Variants in CES5A observed in about 807,000 individuals in gnomAD.
CES5A encodes the protein carboxylesterase 5.
In CES5A, 67 loss-of-function variants were observed where a neutral mutation model predicts 62.9. That is an observed-to-expected ratio of 1.07 (90% CI 0.88 to 1.31). The LOEUF is 1.31. Ranked by LOEUF, CES5A falls within the 50% of genes most tolerant of loss-of-function variation. The pLI is 0.00. For missense variants in CES5A, 748 were observed against 708.5 expected (o/e 1.06, Z -0.63); for synonymous variants, 296 against 280.8 (o/e 1.05, Z -0.54).
chr16:55,940,865 A>G (rs565704677), intron 2 of CES5A, among the ~76,000 whole-genome samples: 1 of 151,892 alleles, frequency 6.6e-6, no homozygotes, highest in Non-Finnish European at 1.5e-5. Flanking sequence ...AAATCAATCA[A>G]TGTAATCTAC....
intron 2 of CES5A, among the ~76,000 whole-genome samples, chr16:55,931,047 T>C (rs192222878): frequency 2.6e-5 from 4 of 152,360 alleles, no homozygotes; most frequent in South Asian, 4.1e-4. Flanking sequence ...ATTTTCCATA[T>C]GGAGAAATCA....
chr16:55,906,539 T>C lies in CES5A; in HGVS notation c.-256+18784A>G, dbSNP rs372613993. Among the ~76,000 whole-genome samples the C allele has an allele frequency of 6.6e-5, 10 of 152,352 alleles. No individual in the cohort carries two copies. The South Asian group carries it at 1.9e-3, about 28-fold the overall frequency. ...AAGCTGACAATGTAGTTCCTTCATG[T>C]CAATTAAATGTTTATTTAAAAGAGT... On this transcript the variant is annotated intron_variant, in intron 1 of 12. Coordinates refer to the CES5A transcript ENST00000518005.
At chr16:55,898,760 G>A (rs1180445619) in intron 1 of CES5A, among the ~76,000 whole-genome samples, 1 of 152,174 alleles carries the variant, frequency 6.6e-6, no homozygotes, top group Non-Finnish European at 1.5e-5. Flanking sequence ...GAGAGGCTGA[G>A]GGCCTTCTTG....
At chr16:55,878,059 A>G (rs1039831424), upstream of CES5A, among the ~76,000 whole-genome samples, 3 of 152,180 alleles carry the variant, frequency 2.0e-5, no homozygotes, top group Non-Finnish European at 4.4e-5. Context: ...AGCACAGGCC[A>G]GTGGCCTGGA....
At chr16:55,874,832 T>C (rs1416091213) in intron 1 of CES5A, among the ~76,000 whole-genome samples, 1 of 152,196 alleles carries the variant, frequency 6.6e-6, no homozygotes, top group African/African-American at 2.4e-5. Flanking sequence ...GAAAGTCCTG[T>C]CGCCGCAGCC....
chr16:55,846,815 T>G lies in CES5A; in HGVS notation c.1449A>C (p.Leu483Phe). The G allele has an allele frequency of 6.2e-7, 1 of 1,614,120 alleles. No individual in the cohort carries two copies. The highest frequency in any genetic ancestry group is 8.5e-7 in the Non-Finnish European group (1 of 1,179,998). The change falls in exon 12 of 13, where the codon TTA (leucine) becomes TTC (phenylalanine). Residue 483 changes from leucine (L) to phenylalanine (F), a missense_variant. Transcript: ENST00000290567. ...AGTATTTCATCATCTTCCGGCTCAGTAACTTCTCCTCCTCCGTGGCTCCTT... is the reference window on the plus strand; with the variant it reads ...AGTATTTCATCATCTTCCGGCTCAGGAACTTCTCCTCCTCCGTGGCTCCTT... ...MFEGATEEEK[L>F]LSRKMMKYWA... is the part of the protein sequence containing the mutation.
At chr16:55,902,343 C>G (rs2033998572) in intron 1 of CES5A, among the ~76,000 whole-genome samples, 1 of 152,148 alleles carries the variant, frequency 6.6e-6, no homozygotes, top group East Asian at 1.9e-4. Context: ...CACTCTCCCC[C>G]CACAAGTTAT....
intron 1 of CES5A, among the ~76,000 whole-genome samples, chr16:55,901,977 C>T (rs1272704908): frequency 1.3e-5 from 2 of 152,158 alleles, no homozygotes; most frequent in African/African-American, 2.4e-5. Flanking sequence ...AGGGAAGGAT[C>T]GCAGCCTTGG....
intron 1 of CES5A, among the ~76,000 whole-genome samples, chr16:55,881,545 T>C (rs1409652928): frequency 1.3e-5 from 2 of 152,114 alleles, no homozygotes; most frequent in African/African-American, 2.4e-5. Flanking sequence ...AGTGGACCCA[T>C]GAAGCAGGGA....
chr16:55,882,329 C>A (rs963615825), intron 1 of CES5A, among the ~76,000 whole-genome samples: 1 of 152,122 alleles, frequency 6.6e-6, no homozygotes, highest in Non-Finnish European at 1.5e-5. Flanking sequence ...TTTTTTGATA[C>A]CAGGACCCAC....
intron 9 of CES5A, among the ~76,000 whole-genome samples, chr16:55,854,201 A>T (rs1206629986): frequency 6.6e-6 from 1 of 152,166 alleles, no homozygotes; most frequent in African/African-American, 2.4e-5. Flanking sequence ...CTTCTGCATC[A>T]GAGAACTACT....
At chr16:55,868,981 G>A (rs1474368293) in intron 4 of CES5A, among the ~76,000 whole-genome samples, 2 of 152,230 alleles carry the variant, frequency 1.3e-5, no homozygotes, top group Admixed American at 1.3e-4. Flanking sequence ...TGAAAGCCCA[G>A]TACATGTTAG....
chr16:55,888,879 C>T (rs2033844327), intron 1 of CES5A, among the ~76,000 whole-genome samples: 1 of 152,182 alleles, frequency 6.6e-6, no homozygotes. Context: ...TCGGCCTTTC[C>T]CACCAAGGTA....
At chr16:55,905,351 C>A (rs2142445277) in intron 1 of CES5A, among the ~76,000 whole-genome samples, 1 of 150,772 alleles carries the variant, frequency 6.6e-6, no homozygotes, top group African/African-American at 2.4e-5. Context: ...TGGCACTCCC[C>A]AGAATATCTT....
At chr16:55,948,716 C>G (rs1204781373) in intron 2 of CES5A, among the ~76,000 whole-genome samples, 1 of 152,076 alleles carries the variant, frequency 6.6e-6, no homozygotes, top group Non-Finnish European at 1.5e-5. Context: ...TGCTGTAATC[C>G]AAGCTAGGGA....
chr16:55,889,604 C>A (rs1478040370), intron 1 of CES5A, among the ~76,000 whole-genome samples: 1 of 152,032 alleles, frequency 6.6e-6, no homozygotes, highest in Non-Finnish European at 1.5e-5. Flanking sequence ...CCTGCCCCAC[C>A]CCTGACCCTA....
At chr16:55,870,294 A>C (rs1267509120) in intron 3 of CES5A, among the ~76,000 whole-genome samples, 2 of 151,590 alleles carry the variant, frequency 1.3e-5, no homozygotes, top group Non-Finnish European at 2.9e-5. Flanking sequence ...AGGTGAGAGG[A>C]GGAGGGGGAA....
intron 1 of CES5A, among the ~76,000 whole-genome samples, chr16:55,913,153 G>A (rs4784605): frequency 0.24 from 36,219 of 152,110 alleles, 4,740 homozygotes; most frequent in African/African-American, 0.35. Flanking sequence ...GTAGAAGCTT[G>A]GGAAGTGGGG....
intron 5 of CES5A, 38 bp downstream of exon 5, chr16:55,865,925 C>T (rs1435761375): frequency 6.2e-7 from 1 of 1,612,202 alleles, no homozygotes; most frequent in East Asian, 2.2e-5. Context: ...GAACCTCCGG[C>T]ACTGAGATTC....
Sources: allele counts gnomAD v4.1 joint callset (sites outside exome capture counted in the v4.1 genomes callset), GRCh38; gene constraint gnomAD v4.1.1; transcripts MANE v1.5; gene names NCBI Gene and HGNC (gene_info 2026-07-23, HGNC 2026-07-21).